Variants in TRIP12 observed in about 807,000 individuals in gnomAD.
The protein encoded by TRIP12 is thyroid hormone receptor interactor 12.
In TRIP12, 25 loss-of-function variants were observed where a neutral mutation model predicts 244.2. The observed-to-expected ratio is 0.10, with a 90% CI of 0.07 to 0.14. TRIP12 has a LOEUF of 0.14. Ranked by LOEUF, TRIP12 falls within the 10% of genes least tolerant of loss-of-function variation. The probability of loss-of-function intolerance (pLI) is 1.00; values close to 1 mark genes in which losing one functional copy is unlikely to be tolerated. For synonymous variants in TRIP12, 905 were observed against 873.1 expected, an observed-to-expected ratio of 1.04 and a Z score of -0.64; for missense variants, 1,677 against 2,486.4, an observed-to-expected ratio of 0.67 and a Z score of 6.92.
At chr2:229,844,673 A>AT (rs2057213849) in intron 4 of TRIP12, among the ~76,000 whole-genome samples, 2 of 152,212 alleles carry the variant, frequency 1.3e-5, no homozygotes, top group Non-Finnish European at 2.9e-5. Context: ...ATGTCAATGT[A>AT]TTTGATAAGA....
At chr2:229,807,660 A>T in intron 17 of TRIP12, 48 bp downstream of exon 17, 1 of 1,610,582 alleles carries the variant, frequency 6.2e-7, no homozygotes, top group African/African-American at 1.3e-5. Flanking sequence ...CCCTACACCC[A>T]CTCTCCAACA....
At chr2:229,822,568 G>C (rs1363925775) in intron 8 of TRIP12, among the ~76,000 whole-genome samples, 1 of 152,186 alleles carries the variant, frequency 6.6e-6, no homozygotes, top group Non-Finnish European at 1.5e-5. Flanking sequence ...AAGTTAGAGT[G>C]ATCAGCTCTG....
intron 2 of TRIP12, among the ~76,000 whole-genome samples, chr2:229,860,957 C>T (rs545823488): frequency 6.6e-6 from 1 of 152,290 alleles, no homozygotes; most frequent in South Asian, 2.1e-4. Context: ...TGATGATTCC[C>T]ACACTGATAC....
At chr2:229,783,319 G>A (rs931548948) in intron 34 of TRIP12, among the ~76,000 whole-genome samples, 1 of 152,212 alleles carries the variant, frequency 6.6e-6, no homozygotes, top group Non-Finnish European at 1.5e-5. Flanking sequence ...GAAGTGAGTA[G>A]TTGTGATGGA....
At chr2:229,871,911 T>A (rs907220692) in intron 2 of TRIP12, among the ~76,000 whole-genome samples, 1 of 151,886 alleles carries the variant, frequency 6.6e-6, no homozygotes, top group South Asian at 2.1e-4. Flanking sequence ...TAGTACTAAC[T>A]AGTACTAGAG....
At chr2:229,891,411 C>T (rs562755373) in intron 1 of TRIP12, among the ~76,000 whole-genome samples, 1 of 151,402 alleles carries the variant, frequency 6.6e-6, no homozygotes, top group Non-Finnish European at 1.5e-5. Context: ...GGCGACAGAG[C>T]GAAACTGTCT....
chr2:229,864,047 A>AGAGAGAGTGAGTGTGTGT, intron 2 of TRIP12, among the ~76,000 whole-genome samples: 11 of 79,314 alleles, frequency 1.4e-4, no homozygotes, highest in South Asian at 5.1e-4. Flanking sequence ...AGAGAGAGAG[A>AGAGAGAGTGAGTGTGTGT]GTGTGTGTGT....
intron 30 of TRIP12, among the ~76,000 whole-genome samples, chr2:229,790,414 TAA>T (rs779432269): frequency 1.3e-5 from 2 of 151,268 alleles, no homozygotes; most frequent in Non-Finnish European, 2.9e-5. Flanking sequence ...ATCTCAAAAC[TAA>T]GAGCCTTTTA....
At chr2:229,848,444 A>C (rs1300016611) in intron 4 of TRIP12, among the ~76,000 whole-genome samples, 1 of 152,036 alleles carries the variant, frequency 6.6e-6, no homozygotes, top group Non-Finnish European at 1.5e-5. Flanking sequence ...CAAGAAAATG[A>C]AAACAAAATC....
At chr2:229,903,968 G>A (rs2071880232) in intron 1 of TRIP12, among the ~76,000 whole-genome samples, 1 of 151,734 alleles carries the variant, frequency 6.6e-6, no homozygotes, top group Non-Finnish European at 1.5e-5. Flanking sequence ...CCCAGGAAGT[G>A]AAGGCTGCAG....
intron 1 of TRIP12, among the ~76,000 whole-genome samples, chr2:229,890,352 G>A (rs1576721096): frequency 6.6e-6 from 1 of 151,858 alleles, no homozygotes; most frequent in Admixed American, 6.6e-5. Flanking sequence ...CACCTGCCTC[G>A]GCCTCCCAAG....
intron 9 of TRIP12, among the ~76,000 whole-genome samples, chr2:229,816,596 C>A (rs2048558168): frequency 6.6e-6 from 1 of 152,056 alleles, no homozygotes; most frequent in Non-Finnish European, 1.5e-5. Context: ...TTAATAACAG[C>A]CATTATTAAT....
At chr2:229,868,666 A>T (rs1211589297) in intron 2 of TRIP12, among the ~76,000 whole-genome samples, 3 of 152,190 alleles carry the variant, frequency 2.0e-5, no homozygotes, top group Admixed American at 6.5e-5. Flanking sequence ...AAAAAAAGAG[A>T]CAGGAAAGAA....
chr2:229,873,251 T>A (rs2063004990), intron 2 of TRIP12, among the ~76,000 whole-genome samples: 1 of 152,006 alleles, frequency 6.6e-6, no homozygotes, highest in Non-Finnish European at 1.5e-5. Flanking sequence ...GAACAGGAAG[T>A]AAAAAATTAA....
intron 5 of TRIP12, among the ~76,000 whole-genome samples, chr2:229,840,322 T>C (rs1374650570): frequency 2.6e-5 from 4 of 152,164 alleles, no homozygotes; most frequent in Non-Finnish European, 1.5e-5. Flanking sequence ...TAGAAACATG[T>C]AAATAAATAT....
rs891901633 is a variant in TRIP12, at chr2:229,767,330, C to T, written c.*224G>A. The T allele has an allele frequency of 1.2e-5, 5 of 407,966 alleles. No homozygotes were observed. The highest frequency in any genetic ancestry group is 1.7e-5 in the Non-Finnish European group (4 of 235,090). 25.3% of individuals were successfully genotyped at this position (407,966 alleles called of 1,614,324 possible). On this transcript the variant is annotated 3_prime_UTR_variant, in exon 42 of 42. Coordinates refer to ENST00000675903, the MANE Select transcript of TRIP12 (RefSeq NM_001348323.3). Reference sequence around the variant, plus strand: ...AAATAAATGATAATTTAAACAAGAACTTGCTAAAGAAACCTCATCACAACA... The same window carrying T: ...AAATAAATGATAATTTAAACAAGAATTTGCTAAAGAAACCTCATCACAACA...
intron 31 of TRIP12, among the ~76,000 whole-genome samples, chr2:229,789,143 C>T (rs183532501): frequency 1.3e-5 from 2 of 152,252 alleles, no homozygotes; most frequent in Admixed American, 6.5e-5. Flanking sequence ...TCACACATAC[C>T]CCTTGCCACT....
chr2:229,848,166 G>C (rs919051910), intron 4 of TRIP12, among the ~76,000 whole-genome samples: 1 of 151,970 alleles, frequency 6.6e-6, no homozygotes, highest in African/African-American at 2.4e-5. Flanking sequence ...AATGAATCTC[G>C]GTCAAACCTC....
chr2:229,811,773 A>G lies in TRIP12; in HGVS notation c.1987-569T>C, dbSNP rs1187203389. Among the ~76,000 whole-genome samples the G allele has an allele frequency of 2.6e-5, 4 of 152,166 alleles. No individual in the cohort carries two copies. In the East Asian group the frequency reaches 7.7e-4, roughly 29 times the overall value. On this transcript the variant is annotated intron_variant, in intron 13 of 41. Transcript: ENST00000675903. The stretch of plus-strand genomic sequence containing the variant: ...AAACATTTGAAATAAGTGTCATAAA[A>G]AGAAGGGAAAGAATGTTTTACTGGC...
Sources: gnomAD v4.1 joint callset for allele counts (sites outside exome capture counted in the v4.1 genomes callset) on GRCh38, gnomAD v4.1.1 for gene constraint, MANE v1.5 for transcripts, NCBI Gene and HGNC (gene_info 2026-07-23, HGNC 2026-07-21) for gene names.